PAK5: variants seen among roughly 807,000 people sequenced by gnomAD.
PAK5 encodes serine/threonine-protein kinase PAK 5.
A neutral mutation model predicts 65.9 loss-of-function variants in PAK5; 16 were observed. The ratio of observed to expected loss-of-function variants is 0.24; its 90% CI spans 0.16 to 0.37. PAK5 has a LOEUF of 0.37. Among genes scored for constraint, PAK5 ranks in the 10% least tolerant of loss-of-function variants. The pLI is 1.00. For missense variants in PAK5, 785 were observed against 903.9 expected (o/e 0.87, Z 1.69); for synonymous variants, 371 against 354.9 (o/e 1.05, Z -0.51).
chr20:9,627,277 GTTGT>G (rs925086794), intron 3 of PAK5, among the ~76,000 whole-genome samples: 6 of 152,204 alleles, frequency 3.9e-5, no homozygotes, highest in Non-Finnish European at 8.8e-5. Context: ...TCTCCTTAGT[GTTGT>G]TTAAAAAGTG....
intron 1 of PAK5, among the ~76,000 whole-genome samples, chr20:9,743,342 C>A (rs2048469966): frequency 1.3e-5 from 2 of 151,444 alleles, no homozygotes; most frequent in Non-Finnish European, 2.9e-5. Context: ...TGCACTCCAG[C>A]ATGGGTGACA....
chr20:9,538,318 A>C lies in PAK5; in HGVS notation c.*1144T>G, dbSNP rs750363870. ...CTAATTCATCCTCTAGAGTCAGTTC[A>C]GACTTCCAGCACGATACATGAACAA... On this transcript the variant is annotated 3_prime_UTR_variant, in exon 10 of 10. Transcript: ENST00000353224. 31 of 233,702 alleles carry C rather than the reference A, an allele frequency of 1.3e-4. No homozygotes were observed. Among genetic ancestry groups the C allele is most frequent in the Middle Eastern group, 1.3e-3 (1 of 786 alleles). The allele number at this position is 233,702 out of a possible 1,614,324, so 14.5% of individuals were successfully genotyped here.
At chr20:9,540,555 T>C (rs2045244939) in intron 9 of PAK5, among the ~76,000 whole-genome samples, 1 of 152,222 alleles carries the variant, frequency 6.6e-6, no homozygotes, top group Non-Finnish European at 1.5e-5. Flanking sequence ...TTATATCTTT[T>C]AAATTACTGT....
At chr20:9,608,930 T>G (rs2225471) in intron 3 of PAK5, among the ~76,000 whole-genome samples, 44 of 152,166 alleles carry the variant, frequency 2.9e-4, no homozygotes, top group African/African-American at 9.1e-4. Context: ...AAGGAAAACC[T>G]TAGAAATGAA....
rs71330251 is a variant in PAK5, at chr20:9,596,433, A to G, written c.205-15503T>C. 6.7e-3 allele frequency among the ~76,000 whole-genome samples: 1,018 copies of G among 152,110 alleles called. 14 individuals carry two copies. The highest frequency in any genetic ancestry group is 0.024 in the Middle Eastern group (7 of 294). On this transcript the variant is annotated intron_variant, in intron 3 of 9. Transcript: ENST00000353224. ...GGGCGGATCACAAGGTCAGGAGATC[A>G]AGACCATCCTGGCTAACACAGTGAA...
intron 2 of PAK5, among the ~76,000 whole-genome samples, chr20:9,692,276 A>C (rs1282832454): frequency 2.6e-5 from 4 of 152,222 alleles, no homozygotes; most frequent in Non-Finnish European, 5.9e-5. Context: ...TGAAAGCAAT[A>C]AGAAGGTTAA....
intron 1 of PAK5, among the ~76,000 whole-genome samples, chr20:9,836,804 T>C (rs1201579627): frequency 6.6e-6 from 1 of 152,188 alleles, no homozygotes; most frequent in Non-Finnish European, 1.5e-5. Flanking sequence ...TTCCTGGTGG[T>C]TTAAATTATG....
chr20:9,567,657 G>T (rs2045704699), intron 4 of PAK5, among the ~76,000 whole-genome samples: 1 of 152,232 alleles, frequency 6.6e-6, no homozygotes, highest in Admixed American at 6.5e-5. Context: ...CAACTATGAT[G>T]TGCTATGCAC....
intron 1 of PAK5, among the ~76,000 whole-genome samples, chr20:9,768,500 G>A (rs2048795455): frequency 6.6e-6 from 1 of 151,884 alleles, no homozygotes; most frequent in Non-Finnish European, 1.5e-5. Context: ...AAAAGTAAAG[G>A]GGCCAGGCGC....
intron 2 of PAK5, among the ~76,000 whole-genome samples, chr20:9,706,513 C>T (rs1162253618): frequency 2.1e-5 from 3 of 141,874 alleles, no homozygotes; most frequent in Non-Finnish European, 3.0e-5. Context: ...GTGTGTTGCT[C>T]TGTTTCACAG....
intron 3 of PAK5, among the ~76,000 whole-genome samples, chr20:9,636,198 T>C (rs1463580396): frequency 6.6e-6 from 1 of 151,982 alleles, no homozygotes; most frequent in Non-Finnish European, 1.5e-5. Flanking sequence ...GAGAATCCCA[T>C]GGAAATAAAA....
At chr20:9,614,866 G>A (rs1356590567) in intron 3 of PAK5, among the ~76,000 whole-genome samples, 2 of 152,114 alleles carry the variant, frequency 1.3e-5, no homozygotes, top group Non-Finnish European at 2.9e-5. Flanking sequence ...TAGGTCAGAA[G>A]GTCATATCTA....
At chr20:9,655,661 C>T (rs529297201) in intron 2 of PAK5, among the ~76,000 whole-genome samples, 20 of 152,188 alleles carry the variant, frequency 1.3e-4, no homozygotes, top group African/African-American at 4.6e-4. Flanking sequence ...TGCATAAATA[C>T]GAGCACATCT....
intron 3 of PAK5, among the ~76,000 whole-genome samples, chr20:9,607,168 G>T (rs75324975): frequency 6.6e-6 from 1 of 152,118 alleles, no homozygotes; most frequent in African/African-American, 2.4e-5. Context: ...CAGAGTGAGC[G>T]CCGCCAGCCA....
intron 3 of PAK5, among the ~76,000 whole-genome samples, chr20:9,638,215 G>T (rs2047005838): frequency 1.3e-5 from 2 of 152,214 alleles, no homozygotes; most frequent in African/African-American, 4.8e-5. Context: ...ATTCAGCACA[G>T]ATTTTGGTAA....
intron 2 of PAK5, among the ~76,000 whole-genome samples, chr20:9,658,712 T>C (rs1374642726): frequency 2.0e-5 from 3 of 152,202 alleles, no homozygotes; most frequent in South Asian, 2.1e-4. Context: ...CAAACCCTGA[T>C]TGTAATGTCT....
chr20:9,688,755 A>G (rs1225322987), intron 2 of PAK5, among the ~76,000 whole-genome samples: 1 of 152,138 alleles, frequency 6.6e-6, no homozygotes, highest in Non-Finnish European at 1.5e-5. Context: ...TTTCCCCACT[A>G]GCAAAAAAAA....
intron 3 of PAK5, among the ~76,000 whole-genome samples, chr20:9,582,739 G>T (rs1422285494): frequency 6.6e-6 from 1 of 152,096 alleles, no homozygotes; most frequent in Admixed American, 6.6e-5. Context: ...TTCTGCACAG[G>T]AGACTTGCTT....
chr20:9,577,325 T>C (rs886168056), intron 4 of PAK5: 2 of 152,038 alleles, frequency 1.3e-5, no homozygotes, highest in African/African-American at 2.4e-5. Context: ...ATTTTTTTTT[T>C]CTGTGGGTTA....
Sources: gnomAD v4.1 joint callset for allele counts (sites outside exome capture counted in the v4.1 genomes callset) on GRCh38, gnomAD v4.1.1 for gene constraint, MANE v1.5 for transcripts, NCBI Gene and HGNC (gene_info 2026-07-23, HGNC 2026-07-21) for gene names.